MAP2: variants seen among roughly 807,000 people sequenced by gnomAD.
The protein encoded by MAP2 is microtubule associated protein 2.
A neutral mutation model predicts 137.6 loss-of-function variants in MAP2; 14 were observed. The ratio of observed to expected loss-of-function variants is 0.10; its 90% CI spans 0.07 to 0.16. The LOEUF is 0.16. MAP2 is among the 10% of genes least tolerant of loss of function. The pLI, the probability that MAP2 is intolerant of heterozygous loss-of-function variation, is 1.00. For missense variants in MAP2, 2,088 were observed against 2,191.5 expected, an observed-to-expected ratio of 0.95 and a Z score of 0.94; for synonymous variants, 786 against 782.3, an observed-to-expected ratio of 1.00 and a Z score of -0.08.
chr2:209,460,890 A>G (rs1702623863), intron 1 of MAP2, among the ~76,000 whole-genome samples: 1 of 151,836 alleles, frequency 6.6e-6, no homozygotes, highest in Non-Finnish European at 1.5e-5. Flanking sequence ...CTGGGATTAC[A>G]GGCACGCACC....
intron 3 of MAP2, among the ~76,000 whole-genome samples, chr2:209,595,423 A>G (rs2080982524): frequency 6.6e-6 from 1 of 152,222 alleles, no homozygotes; most frequent in Non-Finnish European, 1.5e-5. Flanking sequence ...ATCTCACACC[A>G]GTTAGAATGG....
At chr2:209,438,195 A>G (rs993636428) in intron 1 of MAP2, among the ~76,000 whole-genome samples, 1 of 151,694 alleles carries the variant, frequency 6.6e-6, no homozygotes, top group Non-Finnish European at 1.5e-5. Flanking sequence ...CATGGCAAAG[A>G]AAAAAATTCG....
intron 7 of MAP2, among the ~76,000 whole-genome samples, chr2:209,691,613 C>A (rs16843453): frequency 0.13 from 20,038 of 152,138 alleles, 1,867 homozygotes; most frequent in African/African-American, 0.26. Flanking sequence ...CCACAGTGAA[C>A]TACTTTGACC....
chr2:209,579,278 C>CGT (rs1478195678), intron 2 of MAP2: 10 of 87,996 alleles, frequency 1.1e-4, no homozygotes, highest in Non-Finnish European at 2.3e-4. Flanking sequence ...TGCGTGCGTG[C>CGT]GTGCGTGTGT....
At chr2:209,606,465 G>T (rs1006188265) in intron 3 of MAP2, among the ~76,000 whole-genome samples, 1 of 152,078 alleles carries the variant, frequency 6.6e-6, no homozygotes, top group Non-Finnish European at 1.5e-5. Context: ...GATAAAATTT[G>T]CAGTGAGCTG....
At chr2:209,654,765 A>G (rs965533812) in intron 5 of MAP2, among the ~76,000 whole-genome samples, 5 of 152,208 alleles carry the variant, frequency 3.3e-5, no homozygotes, top group Admixed American at 2.6e-4. Flanking sequence ...AGTTAGTATG[A>G]TATGTCAAGG....
intron 1 of MAP2, among the ~76,000 whole-genome samples, chr2:209,475,734 T>C (rs1707040461): frequency 6.6e-6 from 1 of 152,196 alleles, no homozygotes; most frequent in African/African-American, 2.4e-5. Flanking sequence ...CTATGTATTC[T>C]AGTTTTTAAT....
intron 5 of MAP2, chr2:209,661,628 G>T: frequency 1.0e-6 from 1 of 985,484 alleles, no homozygotes; most frequent in Non-Finnish European, 1.2e-6. Flanking sequence ...GGCATCCGGG[G>T]CTAGAAAGAG....
intron 2 of MAP2, among the ~76,000 whole-genome samples, chr2:209,550,388 G>A (rs910794880): frequency 6.6e-5 from 10 of 152,082 alleles, no homozygotes; most frequent in African/African-American, 1.9e-4. Context: ...TAGTAGTAAA[G>A]AGTCATGAGT....
chr2:209,626,589 A>G (rs1229120653), intron 4 of MAP2, among the ~76,000 whole-genome samples: 2 of 152,206 alleles, frequency 1.3e-5, no homozygotes, highest in Non-Finnish European at 2.9e-5. Context: ...AACCCTAAAG[A>G]TCATATAACC....
At chr2:209,674,631 A>G (rs540572098) in intron 5 of MAP2, among the ~76,000 whole-genome samples, 1 of 147,922 alleles carries the variant, frequency 6.8e-6, no homozygotes, top group East Asian at 1.9e-4. Context: ...AGATGGATGG[A>G]TGGATGGATG....
intron 2 of MAP2, among the ~76,000 whole-genome samples, chr2:209,551,579 T>C (rs1329191450): frequency 6.6e-6 from 1 of 152,218 alleles, no homozygotes; most frequent in African/African-American, 2.4e-5. Flanking sequence ...GTAGGCAAGC[T>C]GCATAATGCT....
intron 13 of MAP2, among the ~76,000 whole-genome samples, chr2:209,725,269 CTTG>C (rs1329291214): frequency 2.0e-5 from 3 of 152,168 alleles, no homozygotes; most frequent in African/African-American, 7.2e-5. Context: ...TTCAGAACTT[CTTG>C]TTGTATCTTA....
At chr2:209,725,919 A>G (rs1244871446) in intron 14 of MAP2, 129 bp downstream of exon 14, 1 of 550,820 alleles carries the variant, frequency 1.8e-6, no homozygotes, top group Non-Finnish European at 3.1e-6. Flanking sequence ...TCACATTTTT[A>G]TTAATAGAAA....
intron 1 of MAP2, among the ~76,000 whole-genome samples, chr2:209,505,114 C>G (rs1266733944): frequency 6.6e-6 from 1 of 151,740 alleles, no homozygotes; most frequent in Non-Finnish European, 1.5e-5. Flanking sequence ...ATTTGTGGAG[C>G]AAAACAAAAA....
chr2:209,447,888 T>A (rs1297585849), intron 1 of MAP2, among the ~76,000 whole-genome samples: 11 of 152,090 alleles, frequency 7.2e-5, no homozygotes, highest in Admixed American at 5.2e-4. Context: ...TTATAAGTGG[T>A]TAACTCATAA....
Position 209,653,517 on chromosome 2 carries a change from G to A in MAP2, c.262+85G>A, listed in dbSNP as rs1056831301. 2.9e-6 allele frequency: 4 copies of A among 1,371,958 alleles called. No homozygotes were observed. In the African/African-American group the frequency reaches 4.4e-5, roughly 15 times the overall value. 85.0% of individuals were successfully genotyped at this position (1,371,958 alleles called of 1,614,324 possible). A position where few individuals can be genotyped will look rare whatever the true frequency, so the allele number is the denominator to read the frequency against. On this transcript the variant is annotated intron_variant, in intron 5 of 15. Coordinates refer to ENST00000682079, the MANE Select transcript of MAP2 (RefSeq NM_001375505.1). ...TGAAAGTGAATTAATATACAGCACT[G>A]ATCCTCTTTCACTAGTGCTAGGACT...
At chr2:209,710,471 A>G (rs1018465794) in intron 13 of MAP2, 2 of 501,534 alleles carry the variant, frequency 4.0e-6, no homozygotes, top group African/African-American at 3.9e-5. Context: ...TACTGGGTAA[A>G]AATTTTTACC....
intron 1 of MAP2, among the ~76,000 whole-genome samples, chr2:209,486,086 T>C (rs1211140104): frequency 6.6e-6 from 1 of 152,208 alleles, no homozygotes; most frequent in Non-Finnish European, 1.5e-5. Context: ...GCTTCAAAAG[T>C]GCAGGAACCT....
Sources: gnomAD v4.1 joint callset for allele counts (sites outside exome capture counted in the v4.1 genomes callset) on GRCh38, gnomAD v4.1.1 for gene constraint, MANE v1.5 for transcripts, NCBI Gene and HGNC (gene_info 2026-07-23, HGNC 2026-07-21) for gene names.